Variants in DLGAP1 observed in about 807,000 individuals in gnomAD.
DLGAP1 encodes the protein DLG associated protein 1, also known as disks large-associated protein 1.
DLGAP1 carries 11 observed loss-of-function variants against 90.8 expected under a neutral mutation model. That is an observed-to-expected ratio of 0.12 (90% CI 0.08 to 0.20). The LOEUF is 0.20. Ranked by LOEUF, DLGAP1 falls within the 10% of genes least tolerant of loss-of-function variation. DLGAP1 has a pLI of 1.00. For missense variants in DLGAP1, 1,050 were observed against 1,333.8 expected (o/e 0.79, Z 3.31); for synonymous variants, 558 against 540.7 (o/e 1.03, Z -0.44).
intron 1 of DLGAP1, among the ~76,000 whole-genome samples, chr18:4,391,306 G>A (rs750017660): frequency 1.3e-5 from 2 of 152,116 alleles, no homozygotes; most frequent in East Asian, 1.9e-4. Flanking sequence ...GTCCAGTTGC[G>A]GAAGATGTGC....
At chr18:3,703,114 G>A (rs910820560) in intron 7 of DLGAP1, among the ~76,000 whole-genome samples, 15 of 152,132 alleles carry the variant, frequency 9.9e-5, no homozygotes, top group Admixed American at 9.8e-4. Context: ...TAGGAAGGAG[G>A]ATGGGGACCC....
At chr18:4,206,620 G>C (rs1429321084) in intron 1 of DLGAP1, among the ~76,000 whole-genome samples, 1 of 152,068 alleles carries the variant, frequency 6.6e-6, no homozygotes, top group East Asian at 1.9e-4. Context: ...GTCAGATAAG[G>C]GAATTCCTTG....
intron 1 of DLGAP1, among the ~76,000 whole-genome samples, chr18:4,193,381 T>C (rs1386504509): frequency 2.0e-5 from 3 of 152,212 alleles, no homozygotes; most frequent in South Asian, 2.1e-4. Flanking sequence ...ATGACACTTC[T>C]GCAATTTGTC....
At chr18:4,340,578 T>C (rs2081168048) in intron 1 of DLGAP1, among the ~76,000 whole-genome samples, 1 of 152,170 alleles carries the variant, frequency 6.6e-6, no homozygotes, top group African/African-American at 2.4e-5. Flanking sequence ...ACTATCTCAT[T>C]TAATGTCCAC....
At chr18:3,930,637 TG>T (rs2072495785) in intron 3 of DLGAP1, among the ~76,000 whole-genome samples, 1 of 152,062 alleles carries the variant, frequency 6.6e-6, no homozygotes, top group African/African-American at 2.4e-5. Context: ...AGGTTCCAGG[TG>T]CTCCATGGGC....
chr18:3,635,934 A>G (rs1046429422), intron 7 of DLGAP1, among the ~76,000 whole-genome samples: 7 of 151,552 alleles, frequency 4.6e-5, no homozygotes, highest in Admixed American at 3.3e-4. Flanking sequence ...TTTTGAAGAA[A>G]GCAACTCAAT....
chr18:3,696,007 T>C (rs2061079709), intron 7 of DLGAP1, among the ~76,000 whole-genome samples: 1 of 152,236 alleles, frequency 6.6e-6, no homozygotes, highest in Non-Finnish European at 1.5e-5. Flanking sequence ...TGTCTATTAC[T>C]GGTGTATAAG....
chr18:4,030,449 A>G (rs2074777858), intron 2 of DLGAP1, among the ~76,000 whole-genome samples: 1 of 152,238 alleles, frequency 6.6e-6, no homozygotes. Context: ...CAAGCTAAGG[A>G]ATCCAGGAAT....
intron 1 of DLGAP1, among the ~76,000 whole-genome samples, chr18:4,424,469 T>C (rs1258713476): frequency 1.3e-5 from 2 of 152,210 alleles, no homozygotes; most frequent in African/African-American, 4.8e-5. Context: ...AATCTTTTAC[T>C]ATAAGTTTAA....
chr18:4,049,218 C>A (rs2075097281), intron 2 of DLGAP1, among the ~76,000 whole-genome samples: 1 of 104,898 alleles, frequency 9.5e-6, no homozygotes, highest in Admixed American at 9.3e-5. Flanking sequence ...CACAGCAAGA[C>A]TCTGTCTCAA....
chr18:3,959,894 C>T (rs2073163708), intron 3 of DLGAP1, among the ~76,000 whole-genome samples: 1 of 152,190 alleles, frequency 6.6e-6, no homozygotes, highest in African/African-American at 2.4e-5. Flanking sequence ...TACACTAAGG[C>T]TTGGAATGAA....
chr18:3,571,573 G>C (rs1026257989), intron 8 of DLGAP1: 14 of 152,248 alleles, frequency 9.2e-5, no homozygotes, highest in African/African-American at 3.4e-4. Context: ...TGTCGCCCAG[G>C]CTGGAGTGCA....
chr18:4,271,405 G>C (rs1014742414), intron 1 of DLGAP1, among the ~76,000 whole-genome samples: 3 of 152,128 alleles, frequency 2.0e-5, no homozygotes, highest in African/African-American at 7.2e-5. Context: ...GGCAATCTTA[G>C]AGAAACATAT....
intron 4 of DLGAP1, among the ~76,000 whole-genome samples, chr18:3,866,823 AGT>A (rs2070413642): frequency 6.6e-6 from 1 of 152,198 alleles, no homozygotes; most frequent in Non-Finnish European, 1.5e-5. Flanking sequence ...ATATCCATCA[AGT>A]GTGGAATTAG....
chr18:3,975,718 T>C (rs943428969), intron 3 of DLGAP1, among the ~76,000 whole-genome samples: 2 of 151,388 alleles, frequency 1.3e-5, no homozygotes, highest in South Asian at 2.1e-4. Context: ...GATGTACATA[T>C]AGAATAGAAT....
At chr18:4,253,036 C>G (rs1186525020) in intron 1 of DLGAP1, among the ~76,000 whole-genome samples, 1 of 152,200 alleles carries the variant, frequency 6.6e-6, no homozygotes, top group Non-Finnish European at 1.5e-5. Context: ...TGGGAGAAGA[C>G]AAACACAGGC....
chr18:3,907,753 G>A (rs758715126), intron 3 of DLGAP1, among the ~76,000 whole-genome samples: 1 of 152,158 alleles, frequency 6.6e-6, no homozygotes, highest in African/African-American at 2.4e-5. Flanking sequence ...TAGAAGACTC[G>A]AAGGCCAGGC....
rs912220998 is a variant in DLGAP1, at chr18:3,909,143, A to G, written c.-72-29003T>C. On this transcript the variant is annotated intron_variant, in intron 3 of 12. Transcript: ENST00000315677. ...AATTACCTGAGTGTTTGTTGCCATG[A>G]CAGCCTTTAGTGATAGGAGGCAAAA... Among the ~76,000 whole-genome samples, 5 of 152,234 alleles carry G rather than the reference A, an allele frequency of 3.3e-5. No individual in the cohort carries two copies. The South Asian group carries it at 1.0e-3, about 32-fold the overall frequency.
intron 1 of DLGAP1, among the ~76,000 whole-genome samples, chr18:4,374,575 T>C (rs545123263): frequency 6.6e-6 from 1 of 152,230 alleles, no homozygotes. Context: ...AAATGACATA[T>C]AGTTTAAAGA....
Sources: gnomAD v4.1 joint callset for allele counts (sites outside exome capture counted in the v4.1 genomes callset) on GRCh38, gnomAD v4.1.1 for gene constraint, MANE v1.5 for transcripts, NCBI Gene and HGNC (gene_info 2026-07-23, HGNC 2026-07-21) for gene names.